ERC2: variants seen among roughly 807,000 people sequenced by gnomAD.
The protein encoded by ERC2 is ELKS/RAB6-interacting/CAST family member 2.
A neutral mutation model predicts 114.8 loss-of-function variants in ERC2; 42 were observed. That is an observed-to-expected ratio of 0.37 (90% CI 0.29 to 0.47). The LOEUF (loss-of-function observed/expected upper bound fraction) is 0.47, where lower values mean the gene tolerates loss of function less well. ERC2 is among the 20% of genes least tolerant of loss of function. The pLI is 0.99. For synonymous variants in ERC2, 454 were observed against 425.5 expected (o/e 1.07, Z -0.82); for missense variants, 939 against 1,150.7 (o/e 0.82, Z 2.66).
chr3:56,314,256 T>C (rs2056760335), intron 2 of ERC2, among the ~76,000 whole-genome samples: 1 of 152,138 alleles, frequency 6.6e-6, no homozygotes, highest in Non-Finnish European at 1.5e-5. Context: ...CTGTGGGATA[T>C]TGGCAGGTTA....
chr3:55,549,835 G>A (rs1380220898), intron 17 of ERC2, among the ~76,000 whole-genome samples: 1 of 152,004 alleles, frequency 6.6e-6, no homozygotes, highest in African/African-American at 2.4e-5. Context: ...TTTTGGTAGT[G>A]AGGATGGTAA....
intron 13 of ERC2, among the ~76,000 whole-genome samples, chr3:55,931,376 G>T (rs1344640529): frequency 6.6e-6 from 1 of 152,152 alleles, no homozygotes; most frequent in Non-Finnish European, 1.5e-5. Context: ...TGATAGACTG[G>T]ATAAAGAAAA....
chr3:56,275,791 G>A (rs1366896804), intron 3 of ERC2, among the ~76,000 whole-genome samples: 1 of 152,154 alleles, frequency 6.6e-6, no homozygotes, highest in Non-Finnish European at 1.5e-5. Flanking sequence ...TATCCCACAG[G>A]AGACACCTGG....
chr3:56,233,168 G>C (rs940320152), intron 3 of ERC2, among the ~76,000 whole-genome samples: 2 of 152,208 alleles, frequency 1.3e-5, no homozygotes, highest in African/African-American at 2.4e-5. Flanking sequence ...TTGCCAAATG[G>C]ATGGGTTTCC....
At chr3:55,629,381 C>T (rs2059652837) in intron 17 of ERC2, among the ~76,000 whole-genome samples, 1 of 152,216 alleles carries the variant, frequency 6.6e-6, no homozygotes. Flanking sequence ...GACTCTCAAA[C>T]ACTAGAAATA....
At chr3:56,199,103 G>T (rs1006372700) in intron 3 of ERC2, among the ~76,000 whole-genome samples, 8 of 152,184 alleles carry the variant, frequency 5.3e-5, no homozygotes, top group African/African-American at 9.7e-5. Context: ...ACCTATGCAT[G>T]ATCTGTTGGG....
intron 13 of ERC2, among the ~76,000 whole-genome samples, chr3:55,916,691 T>C (rs572325461): frequency 4.6e-5 from 7 of 152,272 alleles, no homozygotes; most frequent in Middle Eastern, 6.8e-3. Flanking sequence ...CTGACTGTTA[T>C]TCAGCTTCAG....
intron 14 of ERC2, among the ~76,000 whole-genome samples, chr3:55,748,408 C>T (rs1293203005): frequency 6.6e-6 from 1 of 152,170 alleles, no homozygotes; most frequent in African/African-American, 2.4e-5. Flanking sequence ...ACAAGCAAGA[C>T]AGAAACCATC....
intron 6 of ERC2, among the ~76,000 whole-genome samples, chr3:56,093,919 G>A (rs1247558217): frequency 6.6e-6 from 1 of 152,084 alleles, no homozygotes; most frequent in Admixed American, 6.6e-5. Flanking sequence ...GTTAAGTAGG[G>A]GTGTGGAAGC....
chr3:56,128,252 C>A (rs2149879946), intron 6 of ERC2, among the ~76,000 whole-genome samples: 1 of 152,176 alleles, frequency 6.6e-6, no homozygotes, highest in Non-Finnish European at 1.5e-5. Context: ...TGAATCAATC[C>A]TACTGGAAAC....
intron 15 of ERC2, among the ~76,000 whole-genome samples, chr3:55,732,748 C>T (rs1454061943): frequency 6.6e-6 from 1 of 152,204 alleles, no homozygotes; most frequent in African/African-American, 2.4e-5. Flanking sequence ...TGCAGCTCCA[C>T]CAAGCTAATT....
At chr3:55,702,273 C>G (rs2063261826) in intron 15 of ERC2, among the ~76,000 whole-genome samples, 1 of 152,170 alleles carries the variant, frequency 6.6e-6, no homozygotes, top group East Asian at 1.9e-4. Context: ...ATGTGAATAC[C>G]AGATCTGGGG....
intron 15 of ERC2, among the ~76,000 whole-genome samples, chr3:55,708,361 G>C (rs999431557): frequency 3.3e-5 from 5 of 152,210 alleles, no homozygotes; most frequent in African/African-American, 1.2e-4. Context: ...CTGGGGGAAG[G>C]GAAAGGCCCT....
chr3:56,315,384 G>A (rs1041024082), intron 2 of ERC2, among the ~76,000 whole-genome samples: 11 of 152,118 alleles, frequency 7.2e-5, no homozygotes, highest in Non-Finnish European at 1.2e-4. Flanking sequence ...CCAGAAAAAA[G>A]GAAATGGTTG....
intron 7 of ERC2, among the ~76,000 whole-genome samples, chr3:56,041,308 T>A (rs2149661424): frequency 6.6e-6 from 1 of 152,190 alleles, no homozygotes; most frequent in East Asian, 1.9e-4. Flanking sequence ...AAGAGTCTCC[T>A]CCCCGGGTCA....
At chr3:56,299,939 T>C (rs1252385492) in intron 2 of ERC2, among the ~76,000 whole-genome samples, 1 of 152,192 alleles carries the variant, frequency 6.6e-6, no homozygotes, top group Non-Finnish European at 1.5e-5. Context: ...AACTGCCAAA[T>C]GCTTTGAACA....
At chr3:56,096,682 T>C (rs1420727601) in intron 6 of ERC2, among the ~76,000 whole-genome samples, 2 of 152,216 alleles carry the variant, frequency 1.3e-5, no homozygotes, top group Non-Finnish European at 2.9e-5. Context: ...AAGGCGTTTA[T>C]TATGTACATT....
intron 17 of ERC2, among the ~76,000 whole-genome samples, chr3:55,631,583 T>A (rs949173326): frequency 6.6e-6 from 1 of 152,186 alleles, no homozygotes; most frequent in Non-Finnish European, 1.5e-5. Flanking sequence ...AACTCCCACT[T>A]GGTTTCTTCC....
intron 3 of ERC2, among the ~76,000 whole-genome samples, chr3:56,203,787 T>G (rs1413627165): frequency 1.3e-5 from 2 of 152,222 alleles, no homozygotes; most frequent in African/African-American, 4.8e-5. Context: ...AGGTACTGGA[T>G]AAGTGCTAAC....
Sources: allele counts gnomAD v4.1 joint callset (sites outside exome capture counted in the v4.1 genomes callset), GRCh38; gene constraint gnomAD v4.1.1; transcripts MANE v1.5; gene names NCBI Gene and HGNC (gene_info 2026-07-23, HGNC 2026-07-21).